Variants in CDKAL1 observed in about 807,000 individuals in gnomAD.
The protein encoded by CDKAL1 is threonylcarbamoyladenosine tRNA methylthiotransferase.
In CDKAL1, 32 loss-of-function variants were observed where a neutral mutation model predicts 68.2. The observed-to-expected ratio is 0.47, with a 90% confidence interval of 0.35 to 0.63. The LOEUF is 0.63. CDKAL1 is among the 30% of genes least tolerant of loss of function. The pLI, the probability that CDKAL1 is intolerant of heterozygous loss-of-function variation, is 0.00. For synonymous variants in CDKAL1, 234 were observed against 244.3 expected (o/e 0.96, Z 0.39); for missense variants, 606 against 696.7 (o/e 0.87, Z 1.47).
chr6:20,630,662 A>G (rs1426185746), intron 4 of CDKAL1, among the ~76,000 whole-genome samples: 3 of 152,222 alleles, frequency 2.0e-5, no homozygotes, highest in African/African-American at 7.2e-5. Context: ...ATCCCTGAAT[A>G]TTGGAGTGAA....
intron 6 of CDKAL1, among the ~76,000 whole-genome samples, chr6:20,745,484 T>A (rs9350278): frequency 0.2 from 30,010 of 152,104 alleles, 3,356 homozygotes; most frequent in East Asian, 0.34. Context: ...AAAGGTAGTA[T>A]TGTGAGAGAA....
intron 4 of CDKAL1, among the ~76,000 whole-genome samples, chr6:20,565,825 A>C (rs1174156904): frequency 6.6e-6 from 1 of 152,150 alleles, no homozygotes; most frequent in Non-Finnish European, 1.5e-5. Flanking sequence ...TGTAGAGATG[A>C]AAAAACAGGG....
intron 5 of CDKAL1, among the ~76,000 whole-genome samples, chr6:20,689,894 A>G (rs374273228): frequency 7.2e-5 from 11 of 152,350 alleles, no homozygotes; most frequent in African/African-American, 2.6e-4. Context: ...TATAAGGCTT[A>G]TGGTGGTCTT....
chr6:20,859,154 T>C (rs1031872530), intron 9 of CDKAL1, among the ~76,000 whole-genome samples: 1 of 152,120 alleles, frequency 6.6e-6, no homozygotes, highest in South Asian at 2.1e-4. Flanking sequence ...AATTTATAGA[T>C]TAACTTTGAA....
chr6:20,844,711 C>G (rs113309490), intron 8 of CDKAL1, among the ~76,000 whole-genome samples: 2 of 28,662 alleles, frequency 7.0e-5, no homozygotes, highest in South Asian at 1.1e-3. Context: ...AACAGAAAAA[C>G]AAAAACAAAA....
chr6:20,839,749 C>T (rs927297854), intron 8 of CDKAL1, among the ~76,000 whole-genome samples: 3 of 152,090 alleles, frequency 2.0e-5, no homozygotes, highest in African/African-American at 7.2e-5. Context: ...TGTACCTTCT[C>T]GATTCCTGAC....
intron 5 of CDKAL1, among the ~76,000 whole-genome samples, chr6:20,714,186 T>C (rs1444819671): frequency 6.6e-6 from 1 of 151,848 alleles, no homozygotes; most frequent in East Asian, 1.9e-4. Context: ...AACAAAGTAC[T>C]ATGATACAAA....
At chr6:20,819,742 G>A (rs1444055534) in intron 8 of CDKAL1, among the ~76,000 whole-genome samples, 2 of 152,084 alleles carry the variant, frequency 1.3e-5, no homozygotes, top group Non-Finnish European at 2.9e-5. Context: ...ATGTGTTTGA[G>A]TTCCTTTGTA....
intron 9 of CDKAL1, among the ~76,000 whole-genome samples, chr6:20,908,666 T>C (rs937645217): frequency 5.3e-5 from 8 of 152,314 alleles, no homozygotes; most frequent in African/African-American, 1.7e-4. Flanking sequence ...GGGAAAAAGG[T>C]TTCCTCCAGT....
intron 8 of CDKAL1, chr6:20,800,751 T>C (rs1048159871): frequency 1.3e-5 from 2 of 152,234 alleles, no homozygotes; most frequent in African/African-American, 2.4e-5. Context: ...GCCTCTTGAG[T>C]AGCTGAAACA....
At chr6:20,861,723 T>G (rs1759640522) in intron 9 of CDKAL1, among the ~76,000 whole-genome samples, 1 of 152,226 alleles carries the variant, frequency 6.6e-6, no homozygotes, top group South Asian at 2.1e-4. Flanking sequence ...AGAGGTTTGA[T>G]AAGCACTTGT....
At chr6:20,557,857 G>A (rs1345986935) in intron 4 of CDKAL1, among the ~76,000 whole-genome samples, 1 of 152,166 alleles carries the variant, frequency 6.6e-6, no homozygotes, top group East Asian at 1.9e-4. Flanking sequence ...AACCTGGGAG[G>A]CGGAGGTTCC....
At chr6:20,990,214 A>T (rs1347818950) in intron 10 of CDKAL1, among the ~76,000 whole-genome samples, 1 of 152,194 alleles carries the variant, frequency 6.6e-6, no homozygotes, top group Non-Finnish European at 1.5e-5. Context: ...CTGCACTCCA[A>T]CCTGGGCAAG....
chr6:21,192,031 T>TTTTC (rs1562104946), intron 13 of CDKAL1, among the ~76,000 whole-genome samples: 3 of 116,102 alleles, frequency 2.6e-5, no homozygotes, highest in African/African-American at 1.1e-4. Flanking sequence ...TTTTTTTTTT[T>TTTTC]TGAGACGGAG....
intron 13 of CDKAL1, among the ~76,000 whole-genome samples, chr6:21,157,920 A>G (rs1376711845): frequency 6.6e-6 from 1 of 152,252 alleles, no homozygotes; most frequent in Non-Finnish European, 1.5e-5. Flanking sequence ...TGTTATTCAG[A>G]GAGGCATTTT....
At chr6:21,031,391 A>G (rs1008419631) in intron 11 of CDKAL1, among the ~76,000 whole-genome samples, 1 of 151,756 alleles carries the variant, frequency 6.6e-6, no homozygotes, top group Admixed American at 6.6e-5. Context: ...GGTCAGGCCC[A>G]TCAGGAAAAA....
At position 20,751,779 on chromosome 6, in the gene CDKAL1, T is replaced by G. The variant is rs145668460; in HGVS notation, c.469-6816T>G. 7.6e-4 allele frequency among the ~76,000 whole-genome samples: 116 copies of G among 152,332 alleles called. 2 individuals carry two copies. The East Asian group carries it at 0.018, about 24-fold the overall frequency. On this transcript the variant is annotated intron_variant, in intron 6 of 15. Coordinates refer to ENST00000274695, the MANE Select transcript of CDKAL1 (RefSeq NM_017774.3). ...AACATATGGAGTCAGTAATAAAACATACTGCCTGTCTTTTTTTGTGTGTAT... is the reference window on the plus strand; with the variant it reads ...AACATATGGAGTCAGTAATAAAACAGACTGCCTGTCTTTTTTTGTGTGTAT...
At chr6:20,724,456 C>T (rs552854462) in intron 5 of CDKAL1, among the ~76,000 whole-genome samples, 34 of 152,074 alleles carry the variant, frequency 2.2e-4, no homozygotes, top group Non-Finnish European at 4.6e-4. Context: ...GTGGCTTATA[C>T]CTGTAATCCC....
intron 4 of CDKAL1, among the ~76,000 whole-genome samples, chr6:20,591,456 A>C (rs1765588796): frequency 6.6e-6 from 1 of 152,084 alleles, no homozygotes; most frequent in Admixed American, 6.6e-5. Context: ...GGTATTGCCT[A>C]GGTTTTATTC....
Sources: gnomAD v4.1 joint callset for allele counts (sites outside exome capture counted in the v4.1 genomes callset) on GRCh38, gnomAD v4.1.1 for gene constraint, MANE v1.5 for transcripts, NCBI Gene and HGNC (gene_info 2026-07-23, HGNC 2026-07-21) for gene names.